Variants in SYNE2 observed in about 807,000 individuals in gnomAD.
SYNE2 encodes the protein nesprin-2.
In SYNE2, 431 loss-of-function variants were observed where a neutral mutation model predicts 856.3. The observed-to-expected ratio is 0.50, with a 90% confidence interval of 0.47 to 0.55. SYNE2 has a LOEUF of 0.55. SYNE2 is among the 20% of genes least tolerant of loss of function. The pLI, the probability that SYNE2 is intolerant of heterozygous loss-of-function variation, is 0.00. For synonymous variants in SYNE2, 2,923 were observed against 2,872.3 expected (o/e 1.02, Z -0.56); for missense variants, 8,129 against 8,023.2 (o/e 1.01, Z -0.50).
Position 64,186,507 on chromosome 14 carries a change from C to T in SYNE2, c.17640C>T (p.Leu5880=), listed in dbSNP as rs748374515. 83 of 1,614,070 alleles carry T rather than the reference C, an allele frequency of 5.1e-5. No individual in the cohort carries two copies. The highest frequency in any genetic ancestry group is 6.7e-5 in the Non-Finnish European group (79 of 1,180,042). ...TMKADLTRHV[L]VEDVMVLKEQ... is the part of the protein sequence containing the mutation. The stretch of plus-strand genomic sequence containing the variant: ...AGGCGGACTTAACCCGGCACGTTCT[C>T]GTGGAAGATGTGATGGTTTTGAAGG... Residue 5880 remains leucine (L), a synonymous_variant, in exon 97 of 116, where the codon CTC becomes CTT. Transcript: ENST00000555002.
chr14:64,083,947 G>A (rs551947495), intron 57 of SYNE2, among the ~76,000 whole-genome samples: 6 of 148,246 alleles, frequency 4.0e-5, no homozygotes, highest in East Asian at 3.9e-4. Context: ...TTTTTGAGAC[G>A]GAGTTTCACT....
intron 51 of SYNE2, among the ~76,000 whole-genome samples, chr14:64,069,119 T>A (rs1361887215): frequency 6.6e-6 from 1 of 152,184 alleles, no homozygotes; most frequent in Non-Finnish European, 1.5e-5. Context: ...TCAAGTCAAA[T>A]CTGCCAGTTT....
At chr14:63,839,534 T>C (rs941385339) in intron 1 of SYNE2, among the ~76,000 whole-genome samples, 17 of 152,142 alleles carry the variant, frequency 1.1e-4, no homozygotes, top group Admixed American at 5.2e-4. Context: ...ATAAAAGTTC[T>C]AGATATATTC....
In SYNE2 at chr14:64,026,874, A is replaced by C; in HGVS notation, c.6404+144A>C. ...TGTCAGGGACATCCACAGTGTCAAG[A>C]GACAGAAACCAAAACCAGATAACCT... is the stretch of plus-strand genomic sequence containing the variant. On this transcript the variant is annotated intron_variant, in intron 42 of 115. Transcript: ENST00000555002. The C allele has an allele frequency of 6.4e-6, 6 of 935,844 alleles. No individual in the cohort carries two copies. The South Asian group carries it at 8.5e-5, about 13-fold the overall frequency. 58.0% of individuals were successfully genotyped at this position (935,844 alleles called of 1,614,324 possible).
At chr14:64,145,611 T>C (rs1421479742) in intron 83 of SYNE2, among the ~76,000 whole-genome samples, 1 of 152,062 alleles carries the variant, frequency 6.6e-6, no homozygotes, top group African/African-American at 2.4e-5. Flanking sequence ...AATAAAAAAT[T>C]TATTATGAAT....
chr14:63,848,937 C>A (rs1388225092), upstream of SYNE2, among the ~76,000 whole-genome samples: 1 of 152,236 alleles, frequency 6.6e-6, no homozygotes, highest in Non-Finnish European at 1.5e-5. Flanking sequence ...ACTGGCAATA[C>A]ACAACTTGCA....
rs1248401691 is a variant in SYNE2 at position 64,165,061 on chromosome 14, A to AT, written c.16480-218dup. 3.3e-5 allele frequency among the ~76,000 whole-genome samples: 5 copies of AT among 151,462 alleles called. No homozygotes were observed. The East Asian group carries it at 5.8e-4, about 18-fold the overall frequency. On this transcript the variant is annotated intron_variant, in intron 89 of 115. Coordinates refer to ENST00000555002, the MANE Select transcript of SYNE2 (RefSeq NM_182914.3). The stretch of plus-strand genomic sequence containing the variant: ...CACCACTATGCCCAGCTAATTTTTT[A>AT]TTTTTTGCAGAGATGGAGTCTGCCT...
chr14:63,902,838 T>G (rs1386404325), intron 1 of SYNE2, among the ~76,000 whole-genome samples: 1 of 151,926 alleles, frequency 6.6e-6, no homozygotes, highest in Non-Finnish European at 1.5e-5. Context: ...GGACTACAGG[T>G]GTATGCCACT....
intron 2 of SYNE2, among the ~76,000 whole-genome samples, chr14:63,927,396 T>C (rs2095683195): frequency 6.6e-6 from 1 of 152,052 alleles, no homozygotes; most frequent in Non-Finnish European, 1.5e-5. Flanking sequence ...GGTTTGGCCA[T>C]GTCCCCACCC....
intron 1 of SYNE2, among the ~76,000 whole-genome samples, chr14:63,895,006 C>A (rs1290135689): frequency 6.6e-6 from 1 of 152,168 alleles, no homozygotes; most frequent in Non-Finnish European, 1.5e-5. Context: ...AGGCCTCTTC[C>A]TAGAGCTTAC....
rs150893997 is a variant in SYNE2, at chr14:63,765,370, T to C, written c.-305+3384T>C. ...TAGACTTGTTTTTTGTTTTTTGTTT[T>C]GAGATGGAGCCTCACTCTGTCACCC... is the stretch of plus-strand genomic sequence containing the variant. On this transcript the variant is annotated intron_variant, in intron 1 of 23. Coordinates refer to the SYNE2 transcript ENST00000674003. 2.6e-4 allele frequency among the ~76,000 whole-genome samples: 40 copies of C among 152,326 alleles called. 1 individual carries two copies. Among genetic ancestry groups the C allele is most frequent in the Non-Finnish European group, 5.1e-4 (35 of 68,026 alleles).
At chr14:63,794,652 T>G (rs1011483584) in intron 1 of SYNE2, among the ~76,000 whole-genome samples, 1 of 152,132 alleles carries the variant, frequency 6.6e-6, no homozygotes, top group African/African-American at 2.4e-5. Flanking sequence ...CTCATGAAAA[T>G]GTGCTCAATT....
chr14:64,065,742 C>G lies in SYNE2; in HGVS notation c.10431+92C>G, dbSNP rs2097354263. ...CACCTTGTTTTTCTATAAAACGAGT[C>G]CTTAGCCTATACCATTTGTGCACAT... is the stretch of plus-strand genomic sequence containing the variant. On this transcript the variant is annotated intron_variant, in intron 51 of 115. Coordinates refer to ENST00000555002, the MANE Select transcript of SYNE2 (RefSeq NM_182914.3). 6 of 1,396,372 alleles carry G rather than the reference C, an allele frequency of 4.3e-6. No individual in the cohort carries two copies. In the South Asian group the frequency reaches 6.2e-5, roughly 14 times the overall value. The allele number at this position is 1,396,372 out of a possible 1,614,324, so 86.5% of individuals were successfully genotyped here.
At chr14:63,809,354 T>C (rs972235985) in intron 1 of SYNE2, among the ~76,000 whole-genome samples, 3 of 152,236 alleles carry the variant, frequency 2.0e-5, no homozygotes, top group South Asian at 2.1e-4. Context: ...TTAAGAGTTA[T>C]GTTTTGTTCA....
chr14:64,187,921 G>A (rs996760291), intron 97 of SYNE2, among the ~76,000 whole-genome samples: 4 of 152,162 alleles, frequency 2.6e-5, no homozygotes, highest in African/African-American at 7.2e-5. Context: ...TGCATAATGG[G>A]GTATTGGGTA....
intron 45 of SYNE2, among the ~76,000 whole-genome samples, chr14:64,040,457 A>G (rs2097139586): frequency 6.6e-6 from 1 of 151,920 alleles, no homozygotes; most frequent in South Asian, 2.1e-4. Context: ...AAGTCATTAA[A>G]TGTAGATTGC....
chr14:64,103,730 G>A (rs1027818487), intron 64 of SYNE2, among the ~76,000 whole-genome samples: 1 of 151,820 alleles, frequency 6.6e-6, no homozygotes, highest in Non-Finnish European at 1.5e-5. Flanking sequence ...TCTCTTCCTT[G>A]TGGCCCCACT....
At chr14:63,940,755 C>T (rs2095902717) in intron 3 of SYNE2, 80 bp downstream of exon 3, 2 of 1,332,172 alleles carry the variant, frequency 1.5e-6, no homozygotes, top group East Asian at 4.8e-5. Flanking sequence ...CCAAGGAGGC[C>T]ATTAAAAAAT....
intron 74 of SYNE2, 77 bp downstream of exon 74, chr14:64,128,630 A>G (rs1242522788): frequency 1.1e-5 from 10 of 888,766 alleles, no homozygotes; most frequent in Middle Eastern, 4.3e-4. Flanking sequence ...CTTCTGAACT[A>G]CTTTCCTTTG....
Sources: gnomAD v4.1 joint callset for allele counts (sites outside exome capture counted in the v4.1 genomes callset) on GRCh38, gnomAD v4.1.1 for gene constraint, MANE v1.5 for transcripts, NCBI Gene and HGNC (gene_info 2026-07-23, HGNC 2026-07-21) for gene names.